Variants in TBC1D14 observed in about 807,000 individuals in gnomAD.
TBC1D14 encodes the protein TBC1 domain family member 14.
TBC1D14 carries 26 observed loss-of-function variants against 79.0 expected under a neutral mutation model. The observed-to-expected ratio is 0.33, with a 90% CI of 0.24 to 0.46. The LOEUF (loss-of-function observed/expected upper bound fraction) is 0.46, where lower values mean the gene tolerates loss of function less well. TBC1D14 is among the 20% of genes least tolerant of loss of function. TBC1D14 has a pLI of 1.00. For synonymous variants in TBC1D14, 394 were observed against 349.9 expected, an observed-to-expected ratio of 1.13 and a Z score of -1.40; for missense variants, 769 against 887.6, an observed-to-expected ratio of 0.87 and a Z score of 1.70.
chr4:7,018,219 G>A (rs540112370), intron 12 of TBC1D14, among the ~76,000 whole-genome samples: 3 of 152,284 alleles, frequency 2.0e-5, no homozygotes, highest in Admixed American at 2.0e-4. Flanking sequence ...TGTGCCTGGC[G>A]GGGTATAAAG....
intron 2 of TBC1D14, among the ~76,000 whole-genome samples, chr4:6,957,484 TTC>T (rs1174324237): frequency 1.3e-5 from 2 of 152,222 alleles, no homozygotes; most frequent in Non-Finnish European, 2.9e-5. Flanking sequence ...GGTGTTTTGT[TTC>T]TGTGTTCTGA....
intron 7 of TBC1D14, among the ~76,000 whole-genome samples, chr4:7,004,251 G>T (rs544956576): frequency 7.4e-4 from 113 of 152,364 alleles, no homozygotes; most frequent in African/African-American, 2.6e-3. Flanking sequence ...TTTGGAGGCT[G>T]TCATGATCCT....
At chr4:6,989,513 C>T (rs1718265441) in intron 3 of TBC1D14, among the ~76,000 whole-genome samples, 3 of 152,200 alleles carry the variant, frequency 2.0e-5, no homozygotes. Context: ...CCCATGTCCC[C>T]CTGGCCTCAG....
intron 2 of TBC1D14, among the ~76,000 whole-genome samples, chr4:6,966,278 C>G (rs1715690748): frequency 6.6e-6 from 1 of 152,168 alleles, no homozygotes; most frequent in East Asian, 1.9e-4. Flanking sequence ...CTTGTACTTT[C>G]TAGTAAGTCC....
chr4:6,926,614 G>T (rs1237810655), intron 2 of TBC1D14, among the ~76,000 whole-genome samples: 1 of 152,188 alleles, frequency 6.6e-6, no homozygotes, highest in African/African-American at 2.4e-5. Flanking sequence ...GTGATGACAT[G>T]GGCAGAGTCT....
intron 2 of TBC1D14, among the ~76,000 whole-genome samples, chr4:6,966,327 G>A (rs1329477033): frequency 3.3e-5 from 5 of 152,154 alleles, no homozygotes; most frequent in African/African-American, 1.2e-4. Flanking sequence ...TTGATACAGT[G>A]CATTCCAAAA....
At position 6,917,828 on chromosome 4, in the gene TBC1D14, G is replaced by GT. The variant is rs201665663; in HGVS notation, c.-17-5544dup. Among the ~76,000 whole-genome samples the GT allele has an allele frequency of 3.8e-3, 586 of 152,290 alleles. 3 individuals are homozygous for GT. Among genetic ancestry groups the GT allele is most frequent in the African/African-American group, 0.013 (529 of 41,544 alleles). On this transcript the variant is annotated intron_variant, in intron 1 of 13. Transcript: ENST00000409757. ...GTTTGTACAACTTCCCCTATAAAGGGTATTATCACGCGGTAGGTGGCCTGG... is the reference window on the plus strand; with the variant it reads ...GTTTGTACAACTTCCCCTATAAAGGGTTATTATCACGCGGTAGGTGGCCTGG...
Position 6,994,320 on chromosome 4 carries a change from C to G in TBC1D14, c.962+18C>G. 6.2e-7 allele frequency: 1 copy of G among 1,603,446 alleles called. No homozygotes were observed. Among genetic ancestry groups the G allele is most frequent in the Non-Finnish European group, 8.5e-7 (1 of 1,170,328 alleles). On this transcript the variant is annotated intron_variant, in intron 4 of 13. Transcript: ENST00000409757. ...AGACCAGCGTGAGTTTAAGAAGACT[C>G]TCTTTAGAGTGTTTGCTTTAGGAAA...
intron 13 of TBC1D14, among the ~76,000 whole-genome samples, chr4:7,029,982 G>A (rs779154430): frequency 6.6e-6 from 1 of 152,206 alleles, no homozygotes; most frequent in African/African-American, 2.4e-5. Flanking sequence ...TGGCAGGAGT[G>A]CAGCGGGATG....
At chr4:6,994,442 A>G in intron 4 of TBC1D14, 140 bp downstream of exon 4, 1 of 722,290 alleles carries the variant, frequency 1.4e-6, no homozygotes, top group South Asian at 1.7e-5. Flanking sequence ...CTCTATATTA[A>G]CATGTGTTCT....
chr4:7,016,937 C>T (rs896183482), intron 12 of TBC1D14, among the ~76,000 whole-genome samples: 3 of 152,282 alleles, frequency 2.0e-5, no homozygotes, highest in Admixed American at 6.5e-5. Flanking sequence ...GCTTCTCACA[C>T]ATGCTGTCTT....
At chr4:7,007,642 A>G in intron 9 of TBC1D14, 1 of 1,279,280 alleles carries the variant, frequency 7.8e-7, no homozygotes, top group Middle Eastern at 2.2e-4. Context: ...GAGCCCAGCG[A>G]GCACCCCACT....
intron 3 of TBC1D14, among the ~76,000 whole-genome samples, chr4:6,981,675 A>G (rs1717388497): frequency 6.6e-6 from 1 of 152,246 alleles, no homozygotes; most frequent in Admixed American, 6.5e-5. Flanking sequence ...AGTTACAACC[A>G]TGACAAAGTG....
intron 13 of TBC1D14, among the ~76,000 whole-genome samples, chr4:7,025,994 A>G (rs1245710139): frequency 6.6e-6 from 1 of 152,050 alleles, no homozygotes; most frequent in East Asian, 1.9e-4. Flanking sequence ...GACGTCTATG[A>G]AGACTTTTCC....
intron 6 of TBC1D14, among the ~76,000 whole-genome samples, chr4:7,000,548 GT>G (rs1719561144): frequency 1.3e-5 from 2 of 152,254 alleles, no homozygotes; most frequent in Non-Finnish European, 2.9e-5. Flanking sequence ...CGGGGGCCTG[GT>G]TTGCCCAGGC....
intron 2 of TBC1D14, among the ~76,000 whole-genome samples, chr4:6,940,903 T>C (rs1258905681): frequency 6.6e-6 from 1 of 152,152 alleles, no homozygotes; most frequent in Non-Finnish European, 1.5e-5. Context: ...TCCCGGCTTA[T>C]GGCATGAATG....
At chr4:6,977,134 C>T (rs1382075647) in intron 3 of TBC1D14, among the ~76,000 whole-genome samples, 2 of 102,492 alleles carry the variant, frequency 2.0e-5, no homozygotes, top group Admixed American at 1.1e-4. Flanking sequence ...CACGGTCTCC[C>T]TCTCCCTCTC....
chr4:6,931,226 G>C (rs1432424042), intron 2 of TBC1D14, among the ~76,000 whole-genome samples: 1 of 152,200 alleles, frequency 6.6e-6, no homozygotes, highest in East Asian at 1.9e-4. Context: ...ACACTGTTTT[G>C]ATTCCCCCAT....
At chr4:7,030,264 C>T (rs1007456401) in intron 13 of TBC1D14, 63 bp from the exon 14 acceptor site, 107 of 1,536,538 alleles carry the variant, frequency 7.0e-5, no homozygotes, top group African/African-American at 9.5e-5. Flanking sequence ...GTCTCTGCTT[C>T]GCTGCTGTCA....
Sources: gnomAD v4.1 joint callset for allele counts (sites outside exome capture counted in the v4.1 genomes callset) on GRCh38, gnomAD v4.1.1 for gene constraint, MANE v1.5 for transcripts, NCBI Gene and HGNC (gene_info 2026-07-23, HGNC 2026-07-21) for gene names.